ASXL1: variants seen among roughly 807,000 people sequenced by gnomAD.
ASXL1 encodes the protein polycomb group protein ASXL1.
A neutral mutation model predicts 89.1 loss-of-function variants in ASXL1; 65 were observed. The ratio of observed to expected loss-of-function variants is 0.73; its 90% confidence interval spans 0.60 to 0.90. ASXL1 has a LOEUF of 0.90. ASXL1 is among the 40% of genes least tolerant of loss of function. ASXL1 has a pLI of 0.00. For synonymous variants in ASXL1, 739 were observed against 746.9 expected (o/e 0.99, Z 0.17); for missense variants, 1,786 against 1,942.9 (o/e 0.92, Z 1.52).
intron 4 of ASXL1, among the ~76,000 whole-genome samples, chr20:32,397,407 T>G (rs1261718540): frequency 7.1e-6 from 1 of 141,780 alleles, no homozygotes; most frequent in Admixed American, 7.1e-5. Flanking sequence ...GCCTTTTTTT[T>G]TTTTTTTTTT....
Position 32,437,335 on chromosome 20 carries a change from A to G in ASXL1, c.4623A>G (p.Arg1541=). 1 of 1,613,958 alleles carries G rather than the reference A, an allele frequency of 6.2e-7. No individual in the cohort carries two copies. The highest frequency in any genetic ancestry group is 8.5e-7 in the Non-Finnish European group (1 of 1,179,906). ...SKLCVLCLVV[R] ...TCTGTGTATTGTGCCTTGTGGTGAG[A>G]TAATAAATTATGGCCATGGGAAACA... is the stretch of plus-strand genomic sequence containing the variant. The change falls in exon 13 of 13, where the codon AGA becomes AGG. Residue 1541 remains arginine, a synonymous_variant. Coordinates refer to ENST00000375687, the MANE Select transcript of ASXL1 (RefSeq NM_015338.6).
chr20:32,413,265 G>A (rs1245660619), intron 4 of ASXL1, among the ~76,000 whole-genome samples: 1 of 152,138 alleles, frequency 6.6e-6, no homozygotes, highest in African/African-American at 2.4e-5. Flanking sequence ...GAATACACCG[G>A]AAACAATGAG....
At chr20:32,428,549 T>C (rs913821146) in intron 6 of ASXL1, 127 bp downstream of exon 6, 3 of 909,984 alleles carry the variant, frequency 3.3e-6, no homozygotes, top group Non-Finnish European at 5.3e-6. Flanking sequence ...GGTCTCCAGC[T>C]GTTAGTAGCA....
chr20:32,379,384 T>A (rs1052258433), intron 4 of ASXL1, among the ~76,000 whole-genome samples: 30 of 148,830 alleles, frequency 2.0e-4, no homozygotes, highest in Non-Finnish European at 4.2e-4. Flanking sequence ...TATTATTATT[T>A]TTTAGTAGAG....
intron 4 of ASXL1, among the ~76,000 whole-genome samples, chr20:32,414,119 T>C (rs2049096590): frequency 6.6e-6 from 1 of 152,200 alleles, no homozygotes; most frequent in African/African-American, 2.4e-5. Context: ...TCCTGTGTTT[T>C]GAGATTTCAT....
chr20:32,426,273 T>C (rs1259166720), intron 4 of ASXL1, among the ~76,000 whole-genome samples: 1 of 152,226 alleles, frequency 6.6e-6, no homozygotes, highest in Non-Finnish European at 1.5e-5. Flanking sequence ...ATGCCATTTT[T>C]ACTTTCATCA....
chr20:32,394,805 C>T lies in ASXL1; in HGVS notation c.252+25682C>T, dbSNP rs142563742. On this transcript the variant is annotated intron_variant, in intron 4 of 12. Coordinates refer to ENST00000375687, the MANE Select transcript of ASXL1 (RefSeq NM_015338.6). ...CTTGGCTTACTGCAGCCTCTGCCTC[C>T]TGGGTTCAAGTGATTCTTATGCCTC... Among the ~76,000 whole-genome samples the T allele has an allele frequency of 1.8e-3, 277 of 152,162 alleles. 1 individual carries two copies. Among genetic ancestry groups the T allele is most frequent in the African/African-American group, 6.6e-3 (272 of 41,508 alleles).
chr20:32,400,530 C>A (rs954617270), intron 4 of ASXL1, among the ~76,000 whole-genome samples: 1 of 152,152 alleles, frequency 6.6e-6, no homozygotes, highest in Non-Finnish European at 1.5e-5. Flanking sequence ...CTAATAGCTA[C>A]TTGAGTGGGT....
At chr20:32,422,430 T>A (rs2049274199) in intron 4 of ASXL1, among the ~76,000 whole-genome samples, 1 of 145,892 alleles carries the variant, frequency 6.9e-6, no homozygotes, top group South Asian at 2.3e-4. Context: ...TCAGAAAATT[T>A]AACATTAATG....
chr20:32,423,913 T>G (rs972279009), intron 4 of ASXL1, among the ~76,000 whole-genome samples: 1 of 152,220 alleles, frequency 6.6e-6, no homozygotes, highest in Non-Finnish European at 1.5e-5. Context: ...ATAAAAATTA[T>G]GCAGTATTAG....
chr20:32,418,878 G>T (rs562774628), intron 4 of ASXL1, among the ~76,000 whole-genome samples: 3 of 122,910 alleles, frequency 2.4e-5, no homozygotes. Flanking sequence ...TGTCACCCAG[G>T]CTGGAATGCA....
At chr20:32,401,668 G>T (rs1013870529) in intron 4 of ASXL1, among the ~76,000 whole-genome samples, 5 of 150,890 alleles carry the variant, frequency 3.3e-5, no homozygotes, top group African/African-American at 1.2e-4. Flanking sequence ...CGATTCTTCT[G>T]CCTCAGCCTC....
At chr20:32,396,633 C>G (rs1159098400) in intron 4 of ASXL1, among the ~76,000 whole-genome samples, 1 of 152,200 alleles carries the variant, frequency 6.6e-6, no homozygotes, top group Non-Finnish European at 1.5e-5. Context: ...CTTTTTCTGT[C>G]TCTAATGCAG....
chr20:32,411,113 A>G (rs2049036985), intron 4 of ASXL1, among the ~76,000 whole-genome samples: 2 of 148,258 alleles, frequency 1.3e-5, no homozygotes, highest in Non-Finnish European at 3.0e-5. Context: ...TTTTTTTTTA[A>G]GTTCCACCAT....
Position 32,431,482 on chromosome 20 carries a change from C to T in ASXL1, c.880C>T (p.Gln294Ter). ...CTTCCTCCTGCCTGAAGTAGACAGA[C>T]AGGTGCACATGGGCAGCCTCCCCTT... is the stretch of plus-strand genomic sequence containing the variant. ...LLFLLPEVDR[Q>*]VGTDGLLRLS... The change falls in exon 9 of 13, where the codon CAG (glutamine) becomes TAG (stop). Residue 294 changes from glutamine (Q) to a stop codon, truncating the protein, a stop_gained and splice_region_variant. Transcript: ENST00000375687. LOFTEE classifies it high-confidence loss of function. The T allele has an allele frequency of 6.2e-7, 1 of 1,614,194 alleles. No individual in the cohort carries two copies.
chr20:32,410,298 A>G (rs2049021426), intron 4 of ASXL1, among the ~76,000 whole-genome samples: 3 of 152,196 alleles, frequency 2.0e-5, no homozygotes, highest in Middle Eastern at 3.4e-3. Flanking sequence ...ATTTTATTTT[A>G]TTATTCCTTT....
intron 4 of ASXL1, among the ~76,000 whole-genome samples, chr20:32,413,578 G>C (rs1465476430): frequency 6.6e-6 from 1 of 152,000 alleles, no homozygotes; most frequent in African/African-American, 2.4e-5. Context: ...CTTTTTTCCT[G>C]CTCTCCGCAT....
chr20:32,369,074 A>G lies in ASXL1; in HGVS notation c.203A>G (p.Glu68Gly), dbSNP rs1214819445. 1 of 1,613,838 alleles carries G rather than the reference A, an allele frequency of 6.2e-7. No individual in the cohort carries two copies. The highest frequency in any genetic ancestry group is 1.3e-5 in the African/African-American group (1 of 74,860). The change falls in exon 4 of 13, where the codon GAG becomes GGG. Residue 68 changes from glutamate (E) to glycine (G), a missense_variant. By Grantham distance (98) the Glu-to-Gly change is moderately conservative (BLOSUM62 -2). Transcript: ENST00000375687. The part of the protein sequence containing the change: ...AMLHSNSRGG[E>G]GLFYKLPGRI... ...CTACATTCCAATTCAAGAGGAGGAG[A>G]GGGGTTGTTTTATAAACTGCCTGGC...
intron 4 of ASXL1, among the ~76,000 whole-genome samples, chr20:32,426,378 A>G (rs1295757333): frequency 1.3e-5 from 2 of 151,966 alleles, no homozygotes; most frequent in Non-Finnish European, 2.9e-5. Flanking sequence ...ATTAAGGAGT[A>G]TTTTATCTTA....
Sources: gnomAD v4.1 joint callset for allele counts (sites outside exome capture counted in the v4.1 genomes callset) on GRCh38, gnomAD v4.1.1 for gene constraint, MANE v1.5 for transcripts, NCBI Gene and HGNC (gene_info 2026-07-23, HGNC 2026-07-21) for gene names.